PILRA: variants seen among roughly 807,000 people sequenced by gnomAD.
PILRA encodes paired immunoglobulin-like type 2 receptor alpha.
A neutral mutation model predicts 33.1 loss-of-function variants in PILRA; 37 were observed. The observed-to-expected ratio is 1.12, with a 90% CI of 0.86 to 1.47. PILRA has a LOEUF of 1.47. Among genes scored for constraint, PILRA ranks in the 40% most tolerant of loss-of-function variants. The pLI is 0.00. For synonymous variants in PILRA, 146 were observed against 149.9 expected, an observed-to-expected ratio of 0.97 and a Z score of 0.19; for missense variants, 312 against 376.2, an observed-to-expected ratio of 0.83 and a Z score of 1.41.
intron 2 of PILRA, among the ~76,000 whole-genome samples, chr7:100,386,510 A>C (rs1406175222): frequency 1.3e-5 from 2 of 151,976 alleles, no homozygotes; most frequent in African/African-American, 4.8e-5. Flanking sequence ...TCAAAAAAAA[A>C]AACAAAACAC....
At chr7:100,384,052 T>C (rs915578711) in intron 2 of PILRA, among the ~76,000 whole-genome samples, 1 of 152,082 alleles carries the variant, frequency 6.6e-6, no homozygotes, top group African/African-American at 2.4e-5. Context: ...CTTAGCGAGA[T>C]GGCAGTGCAC....
chr7:100,396,199 A>C (rs1791490100), intron 3 of PILRA, among the ~76,000 whole-genome samples: 1 of 152,200 alleles, frequency 6.6e-6, no homozygotes, highest in Admixed American at 6.5e-5. Context: ...TACCAAACAG[A>C]ACTGAAAAGA....
upstream of PILRA, among the ~76,000 whole-genome samples, chr7:100,371,366 C>CA (rs1427701287): frequency 2.0e-5 from 3 of 152,180 alleles, no homozygotes; most frequent in African/African-American, 7.2e-5. Context: ...TTTGGCTATT[C>CA]TAGGTCCTTT....
intron 3 of PILRA, among the ~76,000 whole-genome samples, chr7:100,393,292 A>C (rs1425892951): frequency 6.6e-6 from 1 of 152,146 alleles, no homozygotes; most frequent in Non-Finnish European, 1.5e-5. Context: ...ACAAAAAAAA[A>C]AAAATTAAAA....
intron 3 of PILRA, among the ~76,000 whole-genome samples, chr7:100,392,771 T>G (rs1401822891): frequency 6.6e-6 from 1 of 152,214 alleles, no homozygotes; most frequent in Non-Finnish European, 1.5e-5. Context: ...AGATGAGTAA[T>G]TCCATGAATG....
In PILRA at chr7:100,391,441, C is replaced by T. The variant is rs572410234; in HGVS notation, c.673+1335C>T. On this transcript the variant is annotated intron_variant, in intron 3 of 6. Transcript: ENST00000198536. ...GTGGCTCATGCCTGTAATCTCAACA[C>T]TTTGGGAGGCCAAGGCAGGAGAATC... Among the ~76,000 whole-genome samples the T allele has an allele frequency of 2.0e-5, 3 of 152,276 alleles. No individual in the cohort carries two copies. The East Asian group carries it at 5.8e-4, about 29-fold the overall frequency.
At chr7:100,396,690 C>T (rs1791499416) in intron 3 of PILRA, among the ~76,000 whole-genome samples, 1 of 151,870 alleles carries the variant, frequency 6.6e-6, no homozygotes, top group African/African-American at 2.4e-5. Flanking sequence ...ACACATACTA[C>T]AGTATAAACG....
At chr7:100,390,203 G>A (rs1363904048) in intron 3 of PILRA, 97 bp downstream of exon 3, 11 of 1,090,358 alleles carry the variant, frequency 1.0e-5, no homozygotes, top group Non-Finnish European at 1.5e-5. Context: ...TGCAGACCCT[G>A]CTGGCTCCCC....
chr7:100,397,126 T>TA (rs34593183), intron 3 of PILRA, among the ~76,000 whole-genome samples: 21,417 of 125,672 alleles, frequency 0.17, 1,901 homozygotes, highest in Non-Finnish European at 0.2. Context: ...GTCTAAACAT[T>TA]AAAAAAAAAA....
intron 2 of PILRA, among the ~76,000 whole-genome samples, chr7:100,384,342 A>G (rs1355453685): frequency 6.7e-6 from 1 of 150,284 alleles, no homozygotes; most frequent in Non-Finnish European, 1.5e-5. Flanking sequence ...TCTAGAGTGC[A>G]GGGGGAAAAT....
intron 2 of PILRA, among the ~76,000 whole-genome samples, chr7:100,378,227 C>G (rs1467529582): frequency 3.3e-5 from 5 of 151,928 alleles, no homozygotes; most frequent in Non-Finnish European, 7.4e-5. Flanking sequence ...TAGTGCACAC[C>G]TATGGTCCCA....
upstream of PILRA, among the ~76,000 whole-genome samples, chr7:100,372,594 G>A (rs1200496998): frequency 6.6e-6 from 1 of 152,214 alleles, no homozygotes; most frequent in African/African-American, 2.4e-5. Flanking sequence ...ATGGGCCCAG[G>A]ACTGTGTGTG....
At chr7:100,373,482 TG>T (rs1193433047), upstream of PILRA, 1 of 682,296 alleles carries the variant, frequency 1.5e-6, no homozygotes, top group Non-Finnish European at 2.6e-6. Context: ...AAGGAAGTGC[TG>T]GTCACCCTGG....
intron 3 of PILRA, among the ~76,000 whole-genome samples, chr7:100,397,598 G>T (rs1260417125): frequency 6.6e-6 from 1 of 152,122 alleles, no homozygotes; most frequent in Non-Finnish European, 1.5e-5. Context: ...GGTGGAGGGA[G>T]CCAGGTTGGG....
At chr7:100,384,446 G>GGTC (rs1791211208) in intron 2 of PILRA, among the ~76,000 whole-genome samples, 1 of 75,130 alleles carries the variant, frequency 1.3e-5, no homozygotes, top group Non-Finnish European at 2.7e-5. Context: ...TTTTTTTTTT[G>GGTC]AGACGGAGTC....
upstream of PILRA, among the ~76,000 whole-genome samples, chr7:100,371,487 C>T (rs1347859955): frequency 1.3e-5 from 2 of 152,048 alleles, no homozygotes; most frequent in Non-Finnish European, 2.9e-5. Context: ...AGGTGAGGGG[C>T]TGGGGGCAGG....
chr7:100,371,542 T>C (rs776284741), upstream of PILRA, among the ~76,000 whole-genome samples: 2 of 152,014 alleles, frequency 1.3e-5, no homozygotes, highest in Non-Finnish European at 2.9e-5. Context: ...GTTGGGGGAA[T>C]GTGGGGACAT....
At chr7:100,375,380 T>C (rs1166785928) in intron 2 of PILRA, among the ~76,000 whole-genome samples, 1 of 152,226 alleles carries the variant, frequency 6.6e-6, no homozygotes, top group Non-Finnish European at 1.5e-5. Flanking sequence ...AAATTGAGGC[T>C]AACAGAGCCT....
At chr7:100,389,765 G>A in intron 2 of PILRA, 123 bp from the exon 3 acceptor site, 1 of 749,122 alleles carries the variant, frequency 1.3e-6, no homozygotes, top group Non-Finnish European at 2.4e-6. Context: ...TCCCTGTGTG[G>A]GCTTCAGAGA....
Sources: gnomAD v4.1 joint callset for allele counts (sites outside exome capture counted in the v4.1 genomes callset) on GRCh38, gnomAD v4.1.1 for gene constraint, MANE v1.5 for transcripts, NCBI Gene and HGNC (gene_info 2026-07-23, HGNC 2026-07-21) for gene names.